TMEM132D: variants seen among roughly 807,000 people sequenced by gnomAD.
TMEM132D encodes the protein mature OL transmembrane protein.
Under a neutral mutation model 62.3 loss-of-function variants are expected in TMEM132D, and 21 were observed. That is an observed-to-expected ratio of 0.34 (90% CI 0.24 to 0.49). The LOEUF (loss-of-function observed/expected upper bound fraction) is 0.49. TMEM132D is among the 20% of genes least tolerant of loss of function. The pLI is 0.99. For synonymous variants in TMEM132D, 621 were observed against 575.6 expected (o/e 1.08, Z -1.13); for missense variants, 1,346 against 1,402.8 (o/e 0.96, Z 0.65).
intron 1 of TMEM132D, among the ~76,000 whole-genome samples, chr12:129,863,240 A>G (rs777751905): frequency 6.6e-6 from 1 of 152,176 alleles, no homozygotes; most frequent in Non-Finnish European, 1.5e-5. Flanking sequence ...ATTTGTGGAC[A>G]GTGCTAAGGA....
chr12:129,322,135 A>G (rs1399698346), intron 4 of TMEM132D, among the ~76,000 whole-genome samples: 1 of 150,610 alleles, frequency 6.6e-6, no homozygotes, highest in African/African-American at 2.5e-5. Context: ...ATGGTAGAGC[A>G]TTGATACAAT....
At chr12:129,860,713 T>C (rs1447045671) in intron 1 of TMEM132D, among the ~76,000 whole-genome samples, 1 of 152,216 alleles carries the variant, frequency 6.6e-6, no homozygotes, top group Admixed American at 6.5e-5. Context: ...GAGGTTTAAT[T>C]GACTCACAGT....
chr12:129,259,605 C>A (rs1880500039), intron 4 of TMEM132D, among the ~76,000 whole-genome samples: 1 of 151,944 alleles, frequency 6.6e-6, no homozygotes, highest in Non-Finnish European at 1.5e-5. Flanking sequence ...TTAAGGAGAA[C>A]AGATGGTAAT....
intron 2 of TMEM132D, among the ~76,000 whole-genome samples, chr12:129,636,266 T>C (rs1056222477): frequency 3.3e-5 from 5 of 152,212 alleles, no homozygotes; most frequent in African/African-American, 9.6e-5. Flanking sequence ...GAGACAGATT[T>C]GCAGGGACAT....
At chr12:129,350,136 G>T (rs776025346) in intron 3 of TMEM132D, among the ~76,000 whole-genome samples, 8 of 152,148 alleles carry the variant, frequency 5.3e-5, no homozygotes, top group African/African-American at 1.9e-4. Flanking sequence ...TTAACTACAG[G>T]CCTCCTAATA....
intron 1 of TMEM132D, among the ~76,000 whole-genome samples, chr12:129,868,634 A>C (rs1593192919): frequency 6.6e-6 from 1 of 152,194 alleles, no homozygotes; most frequent in Non-Finnish European, 1.5e-5. Context: ...GTACCCCTGT[A>C]AGCAGGTGCC....
chr12:129,574,062 C>A (rs191528703), intron 2 of TMEM132D, among the ~76,000 whole-genome samples: 1 of 152,014 alleles, frequency 6.6e-6, no homozygotes, highest in Admixed American at 6.5e-5. Flanking sequence ...AAGATGTCTG[C>A]ATTTCATTGT....
intron 2 of TMEM132D, among the ~76,000 whole-genome samples, chr12:129,617,389 C>T (rs564476811): frequency 1.3e-5 from 2 of 152,324 alleles, no homozygotes; most frequent in Admixed American, 6.5e-5. Context: ...TCTCACTTCA[C>T]CTCCCTGTAC....
chr12:129,881,993 A>C (rs1455531690), intron 1 of TMEM132D, among the ~76,000 whole-genome samples: 2 of 152,096 alleles, frequency 1.3e-5, no homozygotes, highest in African/African-American at 4.8e-5. Flanking sequence ...GCAATATCAT[A>C]AACAATGTTA....
intron 1 of TMEM132D, among the ~76,000 whole-genome samples, chr12:129,731,974 T>C (rs904110547): frequency 2.4e-4 from 37 of 152,162 alleles, no homozygotes; most frequent in African/African-American, 8.4e-4. Flanking sequence ...AAATTTTTTT[T>C]AGTATAGGAA....
chr12:129,572,352 G>C (rs1379914383), intron 2 of TMEM132D, among the ~76,000 whole-genome samples: 1 of 152,274 alleles, frequency 6.6e-6, no homozygotes, highest in Non-Finnish European at 1.5e-5. Flanking sequence ...GGTGCCCGGT[G>C]TCCCACACAG....
rs1237228988 is a variant in TMEM132D at position 129,657,676 on chromosome 12, T to C, written c.968+42134A>G. On this transcript the variant is annotated intron_variant, in intron 2 of 8. Transcript: ENST00000422113. ...ATGGGCCATTTGCCTTTCTCTCATTTGAAAAGCACTTGGCAACCAGTCATG... is the reference window on the plus strand; with the variant it reads ...ATGGGCCATTTGCCTTTCTCTCATTCGAAAAGCACTTGGCAACCAGTCATG... Among the ~76,000 whole-genome samples, 4 of 152,198 alleles carry C rather than the reference T, an allele frequency of 2.6e-5. No individual in the cohort carries two copies. In the East Asian group the frequency reaches 7.7e-4, roughly 29 times the overall value.
chr12:129,714,347 A>AC (rs1346719246), intron 1 of TMEM132D, among the ~76,000 whole-genome samples: 3 of 151,974 alleles, frequency 2.0e-5, no homozygotes, highest in Non-Finnish European at 4.4e-5. Context: ...AAATCTGCAG[A>AC]CCCCCCTTTA....
chr12:129,410,391 A>G (rs1231404821), intron 3 of TMEM132D, among the ~76,000 whole-genome samples: 4 of 152,032 alleles, frequency 2.6e-5, no homozygotes, highest in African/African-American at 7.2e-5. Context: ...ATGGAGTCTC[A>G]CTCTGTCTCT....
At chr12:129,244,397 A>C (rs1385709859) in intron 4 of TMEM132D, among the ~76,000 whole-genome samples, 6 of 150,862 alleles carry the variant, frequency 4.0e-5, no homozygotes, top group East Asian at 2.0e-4. Flanking sequence ...AAAAAAAAAA[A>C]AAAAAAAAAA....
intron 3 of TMEM132D, among the ~76,000 whole-genome samples, chr12:129,460,290 T>C (rs1873619960): frequency 6.6e-6 from 1 of 152,182 alleles, no homozygotes. Flanking sequence ...TGTGGATAGT[T>C]AAGGTTTCAT....
At chr12:129,755,943 A>G (rs1870155050) in intron 1 of TMEM132D, among the ~76,000 whole-genome samples, 1 of 152,174 alleles carries the variant, frequency 6.6e-6, no homozygotes, top group Non-Finnish European at 1.5e-5. Context: ...AGAACCCAAA[A>G]ATGTCCATAA....
At chr12:129,738,895 G>C (rs1419285565) in intron 1 of TMEM132D, among the ~76,000 whole-genome samples, 1 of 152,174 alleles carries the variant, frequency 6.6e-6, no homozygotes, top group African/African-American at 2.4e-5. Flanking sequence ...ATTATACCCA[G>C]AAGTATAATG....
intron 3 of TMEM132D, among the ~76,000 whole-genome samples, chr12:129,496,019 C>G (rs1454164929): frequency 1.3e-5 from 2 of 152,146 alleles, no homozygotes; most frequent in Non-Finnish European, 2.9e-5. Context: ...CAAAGAGAAC[C>G]TCGCACCCTT....
Sources: allele counts gnomAD v4.1 joint callset (sites outside exome capture counted in the v4.1 genomes callset), GRCh38; gene constraint gnomAD v4.1.1; transcripts MANE v1.5; gene names NCBI Gene and HGNC (gene_info 2026-07-23, HGNC 2026-07-21).